The following PTPRD variants were observed in gnomAD, a reference collection of about 807,000 sequenced individuals.
PTPRD encodes the protein receptor-type tyrosine-protein phosphatase delta.
PTPRD carries 34 observed loss-of-function variants against 214.5 expected under a neutral mutation model. That is an observed-to-expected ratio of 0.16 (90% confidence interval 0.12 to 0.21). The LOEUF (loss-of-function observed/expected upper bound fraction) is 0.21, where lower values mean the gene tolerates loss of function less well. Ranked by LOEUF, PTPRD falls within the 10% of genes least tolerant of loss-of-function variation. The probability of loss-of-function intolerance (pLI) is 1.00; values close to 1 mark genes in which losing one functional copy is unlikely to be tolerated. For missense variants in PTPRD, 2,545 were observed against 2,398.7 expected (o/e 1.06, Z -1.27); for synonymous variants, 1,128 against 845.7 (o/e 1.33, Z -5.79).
intron 2 of PTPRD, among the ~76,000 whole-genome samples, chr9:10,499,918 G>T (rs540239443): frequency 8.8e-4 from 133 of 151,918 alleles, no homozygotes; most frequent in African/African-American, 2.9e-3. Context: ...TACAAAATTT[G>T]CTTTCAGAAG....
At chr9:8,517,313 CGG>C (rs762005328) in intron 21 of PTPRD, among the ~76,000 whole-genome samples, 4 of 152,192 alleles carry the variant, frequency 2.6e-5, no homozygotes, top group Middle Eastern at 3.4e-3. Flanking sequence ...TCTGAGATCT[CGG>C]TAACTGTCTC....
At chr9:8,568,789 G>A (rs1021949316) in intron 14 of PTPRD, among the ~76,000 whole-genome samples, 2 of 151,448 alleles carry the variant, frequency 1.3e-5, no homozygotes, top group African/African-American at 4.9e-5. Flanking sequence ...ATTTTCTACA[G>A]AATTCATAAA....
chr9:9,131,822 A>G (rs2099843136), intron 10 of PTPRD, among the ~76,000 whole-genome samples: 1 of 152,242 alleles, frequency 6.6e-6, no homozygotes, highest in African/African-American at 2.4e-5. Context: ...GTAGTGGTTC[A>G]TGTAGTAAAA....
chr9:9,064,039 T>C (rs1181239170), intron 10 of PTPRD, among the ~76,000 whole-genome samples: 1 of 152,174 alleles, frequency 6.6e-6, no homozygotes, highest in African/African-American at 2.4e-5. Flanking sequence ...TAGCAAAAGA[T>C]ATCAGCTGAG....
chr9:8,920,234 G>C (rs1271067651), intron 11 of PTPRD, among the ~76,000 whole-genome samples: 3 of 151,960 alleles, frequency 2.0e-5, no homozygotes, highest in African/African-American at 7.3e-5. Context: ...CTAGCTACTT[G>C]GGGGGCTGAG....
intron 9 of PTPRD, among the ~76,000 whole-genome samples, chr9:9,279,874 T>C (rs1230192917): frequency 2.0e-5 from 3 of 151,152 alleles, no homozygotes; most frequent in African/African-American, 7.3e-5. Flanking sequence ...AGAGATAAAA[T>C]TCACTCACGC....
At chr9:9,087,160 T>G (rs2099768238) in intron 10 of PTPRD, among the ~76,000 whole-genome samples, 1 of 152,166 alleles carries the variant, frequency 6.6e-6, no homozygotes, top group Non-Finnish European at 1.5e-5. Context: ...CAACATTACT[T>G]AAGGTAAACT....
chr9:8,324,468 T>C (rs1831593415), intron 44 of PTPRD, among the ~76,000 whole-genome samples: 1 of 152,186 alleles, frequency 6.6e-6, no homozygotes, highest in Non-Finnish European at 1.5e-5. Flanking sequence ...CCATGGTGTA[T>C]ATGTGCCGCA....
intron 12 of PTPRD, among the ~76,000 whole-genome samples, chr9:8,726,210 G>A (rs2098555560): frequency 6.6e-6 from 1 of 152,074 alleles, no homozygotes; most frequent in East Asian, 1.9e-4. Flanking sequence ...GATAGAGGCT[G>A]GCTTGGAGTT....
At chr9:8,560,026 A>G (rs554425977) in intron 14 of PTPRD, among the ~76,000 whole-genome samples, 3 of 152,344 alleles carry the variant, frequency 2.0e-5, no homozygotes, top group Non-Finnish European at 4.4e-5. Flanking sequence ...GAAAGTCTAT[A>G]TGCAGTAAGC....
At chr9:8,579,831 C>T (rs542123649) in intron 14 of PTPRD, among the ~76,000 whole-genome samples, 4 of 152,084 alleles carry the variant, frequency 2.6e-5, no homozygotes, top group Non-Finnish European at 4.4e-5. Flanking sequence ...TAGATGGAAA[C>T]GGAACCAAAA....
chr9:9,293,249 A>G (rs566812174), intron 9 of PTPRD, among the ~76,000 whole-genome samples: 1 of 151,634 alleles, frequency 6.6e-6, no homozygotes, highest in South Asian at 2.1e-4. Context: ...GTCAGTATGG[A>G]TTCATGATTA....
chr9:10,167,966 C>A (rs35032760), intron 3 of PTPRD, among the ~76,000 whole-genome samples: 24,601 of 152,164 alleles, frequency 0.16, 2,129 homozygotes, highest in Middle Eastern at 0.22. Context: ...GAGTTTCAAT[C>A]TGAACTGTAT....
chr9:9,572,656 C>A (rs913514273), intron 8 of PTPRD, among the ~76,000 whole-genome samples: 1 of 144,394 alleles, frequency 6.9e-6, no homozygotes, highest in Non-Finnish European at 1.5e-5. Flanking sequence ...AAACATAACC[C>A]GATATGTATA....
chr9:9,384,474 G>C (rs1215929931), intron 9 of PTPRD, among the ~76,000 whole-genome samples: 1 of 146,072 alleles, frequency 6.8e-6, no homozygotes, highest in Non-Finnish European at 1.5e-5. Context: ...GGTATGTTGA[G>C]GTCGAGTTTT....
intron 39 of PTPRD, among the ~76,000 whole-genome samples, chr9:8,369,778 A>G (rs2134305759): frequency 6.6e-6 from 1 of 151,978 alleles, no homozygotes; most frequent in East Asian, 1.9e-4. Context: ...TCAAGGTTTT[A>G]TAACTGATTC....
At chr9:10,522,704 C>A (rs1180851958) in intron 2 of PTPRD, among the ~76,000 whole-genome samples, 3 of 151,870 alleles carry the variant, frequency 2.0e-5, no homozygotes, top group Admixed American at 2.0e-4. Flanking sequence ...TATGATGATA[C>A]AGGTTCAAGA....
intron 9 of PTPRD, among the ~76,000 whole-genome samples, chr9:9,298,951 T>C (rs1363833194): frequency 1.3e-5 from 2 of 151,842 alleles, no homozygotes; most frequent in African/African-American, 4.8e-5. Context: ...TTTTTCTTAA[T>C]ATAAAAGACT....
chr9:9,666,245 T>G (rs577181890), intron 7 of PTPRD, among the ~76,000 whole-genome samples: 3 of 152,082 alleles, frequency 2.0e-5, no homozygotes, highest in Admixed American at 1.3e-4. Flanking sequence ...CATTAAACAT[T>G]TATACACTGG....
Sources: allele counts gnomAD v4.1 joint callset (sites outside exome capture counted in the v4.1 genomes callset), GRCh38; gene constraint gnomAD v4.1.1; transcripts MANE v1.5; gene names NCBI Gene and HGNC (gene_info 2026-07-23, HGNC 2026-07-21).